Variants in FAM20B observed in about 807,000 individuals in gnomAD.
FAM20B encodes the protein FAM20B glycosaminoglycan xylosylkinase.
In FAM20B, 23 loss-of-function variants were observed where a neutral mutation model predicts 43.8. That is an observed-to-expected ratio of 0.53 (90% CI 0.38 to 0.74). The LOEUF (loss-of-function observed/expected upper bound fraction) is 0.74, where lower values mean the gene tolerates loss of function less well. Ranked by LOEUF, FAM20B falls within the 30% of genes least tolerant of loss-of-function variation. The probability of loss-of-function intolerance (pLI) is 0.00; values close to 1 mark genes in which losing one functional copy is unlikely to be tolerated. For synonymous variants in FAM20B, 178 were observed against 192.4 expected (o/e 0.93, Z 0.62); for missense variants, 440 against 510.5 (o/e 0.86, Z 1.33).
At chr1:179,056,540 A>G (rs1482918312) in intron 4 of FAM20B, among the ~76,000 whole-genome samples, 1 of 152,190 alleles carries the variant, frequency 6.6e-6, no homozygotes, top group Non-Finnish European at 1.5e-5. Context: ...CCATTTACCT[A>G]TTGAATGGCA....
rs1651959788 is a variant in FAM20B at position 179,072,354 on chromosome 1, C to T, written c.*210C>T. ...CATGGAGACATTCCTGCTGAATCGC[C>T]TTCTCACCTCCTCGGCAATTGCTCA... On this transcript the variant is annotated 3_prime_UTR_variant, in exon 8 of 8. Coordinates refer to ENST00000263733, the MANE Select transcript of FAM20B (RefSeq NM_014864.4). 3.5e-6 allele frequency: 2 copies of T among 563,772 alleles called. No homozygotes were observed. The highest frequency in any genetic ancestry group is 2.1e-5 in the South Asian group (1 of 47,020). The allele number at this position is 563,772 out of a possible 1,614,324, so 34.9% of individuals were successfully genotyped here.
At chr1:179,044,303 C>T in intron 2 of FAM20B, 79 bp downstream of exon 2, 1 of 1,470,628 alleles carries the variant, frequency 6.8e-7, no homozygotes, top group Non-Finnish European at 9.1e-7. Context: ...TTTATTTTGT[C>T]ATCTTCTCTT....
chr1:179,074,338 C>G lies in FAM20B; in HGVS notation c.*2194C>G, dbSNP rs1652052712. ...AATTCACAGCTCAGTATGAGAATAC[C>G]TTGGTTAGTGCTCACCCACAAGCTT... is the stretch of plus-strand genomic sequence containing the variant. On this transcript the variant is annotated 3_prime_UTR_variant, in exon 8 of 8. Coordinates refer to ENST00000263733, the MANE Select transcript of FAM20B (RefSeq NM_014864.4). The G allele has an allele frequency of 6.6e-6, 1 of 152,574 alleles. No individual in the cohort carries two copies. The highest frequency in any genetic ancestry group is 2.4e-5 in the African/African-American group (1 of 41,430). The allele number at this position is 152,574 out of a possible 1,614,324, so 9.5% of individuals were successfully genotyped here.
At chr1:179,054,811 G>C (rs773664223) in intron 4 of FAM20B, among the ~76,000 whole-genome samples, 173 bp downstream of exon 4, 25 of 152,206 alleles carry the variant, frequency 1.6e-4, no homozygotes, top group Non-Finnish European at 3.4e-4. Context: ...AAAGGAGATG[G>C]CAGGAAATTG....
chr1:179,054,855 A>G (rs1195876139), intron 4 of FAM20B, among the ~76,000 whole-genome samples: 1 of 152,204 alleles, frequency 6.6e-6, no homozygotes, highest in African/African-American at 2.4e-5. Context: ...TGTCTGTGAC[A>G]TAGGGAGTGA....
At chr1:179,050,440 CCTT>C in intron 3 of FAM20B, 75 bp downstream of exon 3, 1 of 1,001,100 alleles carries the variant, frequency 1.0e-6, no homozygotes, top group Admixed American at 1.8e-5. Flanking sequence ...CTCGTGGACT[CCTT>C]CAGAAGGATG....
chr1:179,037,944 G>GT (rs1553203456), intron 1 of FAM20B, among the ~76,000 whole-genome samples: 1 of 151,730 alleles, frequency 6.6e-6, no homozygotes, highest in Non-Finnish European at 1.5e-5. Flanking sequence ...GGATTGGACC[G>GT]TTTTTCTTAT....
At chr1:179,048,792 A>G (rs1411461441) in intron 2 of FAM20B, among the ~76,000 whole-genome samples, 1 of 152,258 alleles carries the variant, frequency 6.6e-6, no homozygotes, top group African/African-American at 2.4e-5. Flanking sequence ...AGAAGGTGAT[A>G]CATGGCTGTC....
intron 2 of FAM20B, among the ~76,000 whole-genome samples, chr1:179,048,770 T>G (rs1333444521): frequency 6.6e-6 from 1 of 152,242 alleles, no homozygotes; most frequent in Non-Finnish European, 1.5e-5. Flanking sequence ...AAGAAGAAAC[T>G]GGTGCCCAAC....
intron 4 of FAM20B, 70 bp from the exon 5 acceptor site, chr1:179,063,857 C>T (rs2102521291): frequency 9.0e-7 from 1 of 1,116,266 alleles, no homozygotes; most frequent in African/African-American, 1.6e-5. Context: ...CTCTGTTCTG[C>T]ATTATTTGGG....
At chr1:179,062,675 A>G (rs1651520320) in intron 4 of FAM20B, among the ~76,000 whole-genome samples, 1 of 150,994 alleles carries the variant, frequency 6.6e-6, no homozygotes, top group Non-Finnish European at 1.5e-5. Flanking sequence ...AAAAACAAAC[A>G]AAAAAAAACA....
intron 1 of FAM20B, chr1:179,035,188 A>G: frequency 2.5e-6 from 1 of 402,924 alleles, no homozygotes; most frequent in South Asian, 2.1e-5. Flanking sequence ...AGACCCCCAC[A>G]CCAACATGCT....
chr1:179,064,927 G>GT (rs1204636441), intron 6 of FAM20B, among the ~76,000 whole-genome samples: 1 of 152,156 alleles, frequency 6.6e-6, no homozygotes, highest in Admixed American at 6.5e-5. Flanking sequence ...CTATTTTTGT[G>GT]TTTGTCTAGG....
chr1:179,063,800 T>C (rs1651573881), intron 4 of FAM20B, 127 bp from the exon 5 acceptor site: 3 of 639,400 alleles, frequency 4.7e-6, no homozygotes, highest in African/African-American at 1.9e-5. Flanking sequence ...GTTTGAAATA[T>C]AGTAAACTCA....
At chr1:179,060,482 G>T (rs1392463924) in intron 4 of FAM20B, among the ~76,000 whole-genome samples, 1 of 152,172 alleles carries the variant, frequency 6.6e-6, no homozygotes, top group African/African-American at 2.4e-5. Flanking sequence ...CTCCTTGTCA[G>T]ATCAGTGGCA....
chr1:179,073,207 T>C lies in FAM20B; in HGVS notation c.*1063T>C, dbSNP rs1376054620. 4 of 152,244 alleles carry C rather than the reference T, an allele frequency of 2.6e-5. No individual in the cohort carries two copies. In the South Asian group the frequency reaches 6.2e-4, roughly 24 times the overall value. 9.4% of individuals were successfully genotyped at this position (152,244 alleles called of 1,614,324 possible). A position where few individuals can be genotyped will look rare whatever the true frequency, so the allele number is the denominator to read the frequency against. On this transcript the variant is annotated 3_prime_UTR_variant, in exon 8 of 8. Coordinates refer to ENST00000263733, the MANE Select transcript of FAM20B (RefSeq NM_014864.4). Reference sequence around the variant, plus strand: ...CTTTCTCATAAGAAAGGGACACTCCTACAGGTGAGAGTGTATACCTTACTC... The same window carrying C: ...CTTTCTCATAAGAAAGGGACACTCCCACAGGTGAGAGTGTATACCTTACTC...
chr1:179,055,520 A>G (rs908277717), intron 4 of FAM20B, among the ~76,000 whole-genome samples: 22 of 152,198 alleles, frequency 1.4e-4, no homozygotes, highest in Admixed American at 1.3e-4. Context: ...TACTTTTCTT[A>G]TAGATAACCA....
intron 1 of FAM20B, among the ~76,000 whole-genome samples, chr1:179,043,506 C>G (rs1650630070): frequency 6.6e-6 from 1 of 152,202 alleles, no homozygotes; most frequent in Non-Finnish European, 1.5e-5. Context: ...CCCACTGCAG[C>G]TGGTGTCTTC....
At chr1:179,068,013 T>C (rs1268205651) in intron 7 of FAM20B, among the ~76,000 whole-genome samples, 2 of 152,202 alleles carry the variant, frequency 1.3e-5, no homozygotes, top group African/African-American at 4.8e-5. Flanking sequence ...TCCGCCTGCC[T>C]CAGCCTCCCA....
Sources: gnomAD v4.1 joint callset for allele counts (sites outside exome capture counted in the v4.1 genomes callset) on GRCh38, gnomAD v4.1.1 for gene constraint, MANE v1.5 for transcripts, NCBI Gene and HGNC (gene_info 2026-07-23, HGNC 2026-07-21) for gene names.